TSHZ3: variants seen among roughly 807,000 people sequenced by gnomAD.
TSHZ3 encodes the protein teashirt homolog 3.
In TSHZ3, 10 loss-of-function variants were observed where a neutral mutation model predicts 64.5. The observed-to-expected ratio is 0.16, with a 90% CI of 0.10 to 0.26. The LOEUF (loss-of-function observed/expected upper bound fraction) is 0.26. TSHZ3 is among the 10% of genes least tolerant of loss of function. The probability of loss-of-function intolerance (pLI) is 1.00; values close to 1 mark genes in which losing one functional copy is unlikely to be tolerated. For synonymous variants in TSHZ3, 608 were observed against 593.1 expected, an observed-to-expected ratio of 1.03 and a Z score of -0.36; for missense variants, 1,242 against 1,421.7, an observed-to-expected ratio of 0.87 and a Z score of 2.03.
chr19:31,158,086 G>A (rs1974329038), intron 5 of TSHZ3, among the ~76,000 whole-genome samples: 1 of 152,134 alleles, frequency 6.6e-6, no homozygotes, highest in Admixed American at 6.5e-5. Flanking sequence ...ATATAATTTG[G>A]AATGCCCTAA....
intron 5 of TSHZ3, among the ~76,000 whole-genome samples, chr19:31,160,502 T>G (rs929709049): frequency 9.2e-5 from 14 of 152,218 alleles, no homozygotes; most frequent in Admixed American, 5.2e-4. Flanking sequence ...AAATGGGTAT[T>G]TGAGTCTGGC....
At position 31,299,638 on chromosome 19, in the gene TSHZ3, T is replaced by C. The variant is rs188245579; in HGVS notation, c.41-19886A>G. The stretch of plus-strand genomic sequence containing the variant: ...CTGGGTCAGCATCCCTTGACCATCA[T>C]GGATTAATCTGCCTGTGCTCCAAAG... On this transcript the variant is annotated intron_variant, in intron 1 of 1. Transcript: ENST00000240587. 1.6e-3 allele frequency among the ~76,000 whole-genome samples: 248 copies of C among 152,276 alleles called. 2 individuals carry two copies. In the South Asian group the frequency reaches 0.04, roughly 24 times the overall value.
chr19:31,209,914 G>A (rs1320084379), intron 4 of TSHZ3, among the ~76,000 whole-genome samples: 2 of 152,106 alleles, frequency 1.3e-5, no homozygotes, highest in Non-Finnish European at 2.9e-5. Context: ...GGTTGGGTGG[G>A]GGGTTCAAGT....
chr19:31,278,066 A>G lies in TSHZ3; in HGVS notation c.1727T>C (p.Met576Thr). Reference sequence around the variant, plus strand: ...GGAGACAATCTCACTGTTGCCAAACATGGGTTTCAGGGGCGTGCTCTTCCC... The same window carrying G: ...GGAGACAATCTCACTGTTGCCAAACGTGGGTTTCAGGGGCGTGCTCTTCCC... The part of the protein sequence containing the change: ...SSGKSTPLKP[M>T]FGNSEIVSPT... Residue 576 changes from methionine (M) to threonine (T), a missense_variant, in exon 2 of 2, where the codon ATG (methionine) becomes ACG (threonine). By Grantham distance (81) the Met-to-Thr change is moderately conservative (BLOSUM62 -1). Coordinates refer to ENST00000240587, the MANE Select transcript of TSHZ3 (RefSeq NM_020856.4). This position sits in a 1 kb window ranked among gnomAD's most constrained non-coding sequence, Gnocchi z 4.7. 4 of 1,613,706 alleles carry G rather than the reference A, an allele frequency of 2.5e-6. No homozygotes were observed. Among genetic ancestry groups the G allele is most frequent in the Non-Finnish European group, 2.5e-6 (3 of 1,179,686 alleles).
intron 1 of TSHZ3, among the ~76,000 whole-genome samples, chr19:31,339,701 A>G (rs1427642179): frequency 6.6e-6 from 1 of 151,906 alleles, no homozygotes; most frequent in Non-Finnish European, 1.5e-5. Flanking sequence ...TCTGAAATGA[A>G]TTCTCCGACG....
At chr19:31,171,380 C>T (rs1471563103) in intron 5 of TSHZ3, among the ~76,000 whole-genome samples, 1 of 151,980 alleles carries the variant, frequency 6.6e-6, no homozygotes, top group Admixed American at 6.5e-5. Flanking sequence ...AGATGAGTCC[C>T]AAATCCATCT....
chr19:31,168,905 G>A (rs1447093236), intron 5 of TSHZ3, among the ~76,000 whole-genome samples: 2 of 152,156 alleles, frequency 1.3e-5, no homozygotes, highest in African/African-American at 2.4e-5. Flanking sequence ...GCATCCAACT[G>A]TCATAAGCTT....
intron 1 of TSHZ3, among the ~76,000 whole-genome samples, chr19:31,316,767 G>A (rs1916614474): frequency 6.6e-6 from 1 of 152,094 alleles, no homozygotes; most frequent in Non-Finnish European, 1.5e-5. Context: ...GGAAAGAATG[G>A]GGAGAGAGAG....
chr19:31,217,793 C>G (rs900915720), intron 4 of TSHZ3, among the ~76,000 whole-genome samples: 6 of 152,238 alleles, frequency 3.9e-5, no homozygotes, highest in African/African-American at 1.2e-4. Context: ...TGCCCTGAAA[C>G]TCCTCTGTGC....
intron 3 of TSHZ3, among the ~76,000 whole-genome samples, chr19:31,233,522 T>C (rs1192488642): frequency 6.6e-6 from 1 of 152,194 alleles, no homozygotes; most frequent in Non-Finnish European, 1.5e-5. Flanking sequence ...AAATACTGTC[T>C]CCCAGTCTGT....
chr19:31,233,324 T>C (rs1436452235), intron 3 of TSHZ3, among the ~76,000 whole-genome samples: 1 of 152,248 alleles, frequency 6.6e-6, no homozygotes, highest in Non-Finnish European at 1.5e-5. Flanking sequence ...TCCATTTTAA[T>C]CTGCATTTTC....
chr19:31,210,031 G>T (rs1429095623), intron 4 of TSHZ3, among the ~76,000 whole-genome samples: 1 of 152,148 alleles, frequency 6.6e-6, no homozygotes, highest in Non-Finnish European at 1.5e-5. Context: ...GCTTTTTAAG[G>T]ACACTTCATT....
At chr19:31,339,814 G>T (rs1260620701) in intron 1 of TSHZ3, among the ~76,000 whole-genome samples, 1 of 151,486 alleles carries the variant, frequency 6.6e-6, no homozygotes, top group Non-Finnish European at 1.5e-5. Context: ...AAAGGGGGGG[G>T]CGTTCTGCTG....
intron 5 of TSHZ3, among the ~76,000 whole-genome samples, chr19:31,181,705 T>C (rs1974718026): frequency 6.6e-6 from 1 of 152,080 alleles, no homozygotes; most frequent in Admixed American, 6.5e-5. Context: ...GGAAGAAAAA[T>C]GCAATGAGGA....
rs1976322356 is a variant in TSHZ3, at chr19:31,279,473, T to C, written c.320A>G (p.Glu107Gly). 6 of 1,614,050 alleles carry C rather than the reference T, an allele frequency of 3.7e-6. No homozygotes were observed. The African/African-American group carries it at 8.0e-5, about 22-fold the overall frequency. Reference sequence around the variant, plus strand: ...CAGGCTATCCGACACAGTCGTGTCTTCCAGTGGGACCGTGACCTCCTTGGT... The same window carrying C: ...CAGGCTATCCGACACAGTCGTGTCTCCCAGTGGGACCGTGACCTCCTTGGT... The part of the protein sequence containing the change: ...EETKEVTVPL[E>G]DTTVSDSLEQ... Residue 107 changes from glutamate to glycine, a missense_variant, in exon 2 of 2, where the codon GAA becomes GGA. Glu to Gly is a moderately conservative substitution (Grantham distance 98, BLOSUM62 -2). Around this residue, in one of 4 missense-constraint regions of TSHZ3, gnomAD observed 555 missense variants for 704.0 expected, o/e 0.79. Coordinates refer to ENST00000240587, the MANE Select transcript of TSHZ3 (RefSeq NM_020856.4). This position sits in a 1 kb window ranked among gnomAD's most constrained non-coding sequence, Gnocchi z 6.4.
chr19:31,224,252 T>A (rs1568352823), intron 4 of TSHZ3, among the ~76,000 whole-genome samples: 1 of 152,222 alleles, frequency 6.6e-6, no homozygotes, highest in Non-Finnish European at 1.5e-5. Flanking sequence ...TTTCTCCAAC[T>A]GGGAGTTTCA....
Position 31,311,305 on chromosome 19 carries a change from G to T in TSHZ3, c.41-31553C>A, listed in dbSNP as rs556758724. On this transcript the variant is annotated intron_variant, in intron 1 of 1. Coordinates refer to ENST00000240587, the MANE Select transcript of TSHZ3 (RefSeq NM_020856.4). Reference sequence around the variant, plus strand: ...TTTATTCATCAGCACTTCCCCTATAGCCCACTCACCCCCAACAAATCCTAG... The same window carrying T: ...TTTATTCATCAGCACTTCCCCTATATCCCACTCACCCCCAACAAATCCTAG... Among the ~76,000 whole-genome samples the T allele has an allele frequency of 1.2e-3, 183 of 152,282 alleles. 2 individuals are homozygous for T. The South Asian group carries it at 0.032, about 27-fold the overall frequency.
At chr19:31,308,417 C>T in intron 1 of TSHZ3, 1 of 381,300 alleles carries the variant, frequency 2.6e-6, no homozygotes, top group Non-Finnish European at 4.6e-6. Flanking sequence ...GAACATTCCC[C>T]CGACAGGCAA....
intron 5 of TSHZ3, among the ~76,000 whole-genome samples, chr19:31,191,988 A>T (rs1018422623): frequency 6.6e-6 from 1 of 152,254 alleles, no homozygotes; most frequent in African/African-American, 2.4e-5. Context: ...ATAAAGTAAG[A>T]TACACAACAA....
Sources: allele counts gnomAD v4.1 joint callset (sites outside exome capture counted in the v4.1 genomes callset), GRCh38; gene constraint gnomAD v4.1.1; regional missense constraint gnomAD v4.1.1; non-coding constraint Gnocchi (gnomAD v3.1); transcripts MANE v1.5; gene names NCBI Gene and HGNC (gene_info 2026-07-23, HGNC 2026-07-21).